Variants in DIP2C observed in about 807,000 individuals in gnomAD.
DIP2C encodes disco-interacting protein 2 homolog C.
In DIP2C, 33 loss-of-function variants were observed where a neutral mutation model predicts 192.4. The observed-to-expected ratio is 0.17, with a 90% confidence interval of 0.13 to 0.23. The LOEUF is 0.23. Ranked by LOEUF, DIP2C falls within the 10% of genes least tolerant of loss-of-function variation. DIP2C has a pLI of 1.00. For missense variants in DIP2C, 1,537 were observed against 2,110.1 expected (o/e 0.73, Z 5.32); for synonymous variants, 979 against 864.1 (o/e 1.13, Z -2.33).
chr10:376,635 T>C (rs998197221), intron 17 of DIP2C, among the ~76,000 whole-genome samples: 1 of 151,512 alleles, frequency 6.6e-6, no homozygotes, highest in Non-Finnish European at 1.5e-5. Flanking sequence ...CTCTTTTAGA[T>C]GGACGTAAAT....
Position 281,261 on chromosome 10 carries a change from G to A in DIP2C, c.4357C>T (p.Arg1453Trp), listed in dbSNP as rs547773637. The A allele has an allele frequency of 3.7e-6, 6 of 1,614,136 alleles. No individual in the cohort carries two copies. The highest frequency in any genetic ancestry group is 1.3e-5 in the African/African-American group (1 of 75,036). ...GTCTCAATGTCGATTGGGTGGTACC[G>A]CATGCCCCGCAGCTCCATGGCTTCG... ...LDEAMELRGM[R>W]YHPIDIETSV... The change falls in exon 36 of 37, where the codon CGG becomes TGG. Residue 1453 changes from arginine (R) to tryptophan (W), a missense_variant. This residue lies in a region of DIP2C where 341 missense variants were observed against 551.7 expected (regional missense o/e 0.62). Transcript: ENST00000280886.
chr10:293,826 C>G (rs938526690), intron 32 of DIP2C, among the ~76,000 whole-genome samples: 4 of 152,160 alleles, frequency 2.6e-5, no homozygotes, highest in Admixed American at 2.6e-4. Flanking sequence ...GAGGTCCTCC[C>G]AGGACTCAAG....
At chr10:365,068 T>C (rs759950169) in intron 19 of DIP2C, 6 of 510,768 alleles carry the variant, frequency 1.2e-5, no homozygotes, top group Non-Finnish European at 2.4e-5. Flanking sequence ...GTTCAAACTC[T>C]AACCCTCTTT....
intron 1 of DIP2C, among the ~76,000 whole-genome samples, chr10:686,103 C>G (rs894570267): frequency 1.3e-5 from 2 of 151,972 alleles, no homozygotes; most frequent in Non-Finnish European, 2.9e-5. Flanking sequence ...AAAAGAATAC[C>G]CAATTATAAA....
chr10:530,219 C>G (rs1412689672), intron 1 of DIP2C, among the ~76,000 whole-genome samples: 1 of 152,220 alleles, frequency 6.6e-6, no homozygotes, highest in Non-Finnish European at 1.5e-5. Context: ...GTGTCAGCAA[C>G]TAACACATTT....
At chr10:506,749 C>A (rs816587) in intron 1 of DIP2C, among the ~76,000 whole-genome samples, 3 of 152,178 alleles carry the variant, frequency 2.0e-5, no homozygotes, top group Non-Finnish European at 4.4e-5. Flanking sequence ...CCCCAAAGCA[C>A]GGAGGAGGGG....
chr10:480,620 C>T (rs1043068652), intron 2 of DIP2C, among the ~76,000 whole-genome samples: 2 of 152,268 alleles, frequency 1.3e-5, no homozygotes, highest in East Asian at 3.8e-4. Context: ...AAAGTGGGTG[C>T]TACCCTCCCC....
chr10:615,881 T>A (rs816607), intron 1 of DIP2C, among the ~76,000 whole-genome samples: 17 of 152,152 alleles, frequency 1.1e-4, no homozygotes, highest in African/African-American at 3.6e-4. Flanking sequence ...GATGCCAGAG[T>A]TTGCCGGCCG....
intron 32 of DIP2C, among the ~76,000 whole-genome samples, chr10:302,818 A>G (rs190000209): frequency 6.6e-6 from 1 of 152,348 alleles, no homozygotes; most frequent in Non-Finnish European, 1.5e-5. Context: ...TAGGGAACTT[A>G]CCCATAAACA....
At chr10:407,606 T>G (rs1274701420) in intron 9 of DIP2C, among the ~76,000 whole-genome samples, 1 of 152,142 alleles carries the variant, frequency 6.6e-6, no homozygotes, top group Non-Finnish European at 1.5e-5. Flanking sequence ...TTTTCAGTAG[T>G]TTAGTAATTG....
At chr10:472,873 CAT>C (rs565795337) in intron 2 of DIP2C, among the ~76,000 whole-genome samples, 211 of 152,316 alleles carry the variant, frequency 1.4e-3, no homozygotes, top group African/African-American at 4.9e-3. Context: ...GGGCCCAAGA[CAT>C]AGACTCAAGT....
chr10:443,207 G>A (rs962745795), intron 3 of DIP2C, among the ~76,000 whole-genome samples: 5 of 152,220 alleles, frequency 3.3e-5, no homozygotes, highest in South Asian at 2.1e-4. Flanking sequence ...GTTTTTCATC[G>A]ATCCTTCACT....
chr10:523,852 T>C (rs1364890993), intron 1 of DIP2C, among the ~76,000 whole-genome samples: 1 of 152,192 alleles, frequency 6.6e-6, no homozygotes, highest in Non-Finnish European at 1.5e-5. Flanking sequence ...CTTTTACACA[T>C]AAAGAACCCT....
chr10:379,463 C>T (rs780509410), intron 17 of DIP2C, among the ~76,000 whole-genome samples: 3 of 152,140 alleles, frequency 2.0e-5, no homozygotes, highest in Non-Finnish European at 4.4e-5. Context: ...TGTGGGCATC[C>T]CTGTCAGACC....
rs143610038 is a variant in DIP2C at position 497,224 on chromosome 10, G to T, written c.86-10694C>A. Among the ~76,000 whole-genome samples, 8 of 152,310 alleles carry T rather than the reference G, an allele frequency of 5.3e-5. No individual in the cohort carries two copies. The East Asian group carries it at 1.5e-3, about 29-fold the overall frequency. ...TGTACTGTATTGTTTAGGGAATAATGAAAAAGTCTACCCATGTTCAGAACA... is the reference window on the plus strand; with the variant it reads ...TGTACTGTATTGTTTAGGGAATAATTAAAAAGTCTACCCATGTTCAGAACA... On this transcript the variant is annotated intron_variant, in intron 1 of 36. Coordinates refer to ENST00000280886, the MANE Select transcript of DIP2C (RefSeq NM_014974.3).
At chr10:522,502 C>T (rs941369340) in intron 1 of DIP2C, among the ~76,000 whole-genome samples, 2 of 152,268 alleles carry the variant, frequency 1.3e-5, no homozygotes, top group African/African-American at 2.4e-5. Flanking sequence ...ACAGCAGCTG[C>T]CCCACTTTTC....
intron 1 of DIP2C, among the ~76,000 whole-genome samples, chr10:488,692 C>T (rs1375846681): frequency 6.6e-6 from 1 of 152,206 alleles, no homozygotes; most frequent in East Asian, 1.9e-4. Flanking sequence ...CTCTCCCAGC[C>T]CCTGCCCTGC....
Position 652,389 on chromosome 10 carries a change from G to A in DIP2C, c.85+37105C>T. ...TTCCAGTCCCGGGGTGGGGTGGCGG[G>A]GGGGCGCACTGTGCACCCTCCCAGC... On this transcript the variant is annotated intron_variant, in intron 1 of 36. Coordinates refer to ENST00000280886, the MANE Select transcript of DIP2C (RefSeq NM_014974.3). The surrounding 1 kb of genome is among the most constrained non-coding windows in gnomAD (Gnocchi z 4.5). The A allele has an allele frequency of 5.8e-6, 1 of 173,788 alleles. No homozygotes were observed. The highest frequency in any genetic ancestry group is 9.6e-5 in the South Asian group (1 of 10,388). 10.8% of individuals were successfully genotyped at this position (173,788 alleles called of 1,614,324 possible).
chr10:605,239 G>T (rs1230805687), intron 1 of DIP2C, among the ~76,000 whole-genome samples: 1 of 152,216 alleles, frequency 6.6e-6, no homozygotes, highest in African/African-American at 2.4e-5. Context: ...TTAAAATGGG[G>T]AACGGGGGCA....
Sources: gnomAD v4.1 joint callset for allele counts (sites outside exome capture counted in the v4.1 genomes callset) on GRCh38, gnomAD v4.1.1 for gene constraint, gnomAD v4.1.1 regional missense constraint, Gnocchi (gnomAD v3.1) non-coding constraint, MANE v1.5 for transcripts, NCBI Gene and HGNC (gene_info 2026-07-23, HGNC 2026-07-21) for gene names.